Variants in CAMTA1 observed in about 807,000 individuals in gnomAD.
CAMTA1 encodes the protein calmodulin-binding transcription activator 1.
Under a neutral mutation model 170.9 loss-of-function variants are expected in CAMTA1, and 27 were observed. That is an observed-to-expected ratio of 0.16 (90% confidence interval 0.12 to 0.22). The LOEUF is 0.22. Ranked by LOEUF, CAMTA1 falls within the 10% of genes least tolerant of loss-of-function variation. The pLI, the probability that CAMTA1 is intolerant of heterozygous loss-of-function variation, is 1.00. For missense variants in CAMTA1, 1,619 were observed against 2,217.2 expected, an observed-to-expected ratio of 0.73 and a Z score of 5.42; for synonymous variants, 833 against 891.5, an observed-to-expected ratio of 0.93 and a Z score of 1.17.
intron 22 of CAMTA1, among the ~76,000 whole-genome samples, chr1:7,756,069 G>C (rs565423389): frequency 2.0e-5 from 3 of 151,774 alleles, no homozygotes; most frequent in African/African-American, 7.3e-5. Flanking sequence ...TTTTCTCAAC[G>C]ATTGCTTTGT....
intron 4 of CAMTA1, among the ~76,000 whole-genome samples, chr1:7,246,359 C>A (rs1170484633): frequency 6.6e-6 from 1 of 152,124 alleles, no homozygotes; most frequent in Non-Finnish European, 1.5e-5. Flanking sequence ...ATGATACAGA[C>A]ACGCAAGTGG....
chr1:7,416,932 T>A (rs1346213189), intron 5 of CAMTA1, among the ~76,000 whole-genome samples: 1 of 152,086 alleles, frequency 6.6e-6, no homozygotes, highest in African/African-American at 2.4e-5. Context: ...TACAGATGGG[T>A]TTTTGGTGTG....
At chr1:7,684,670 G>A (rs1368519657) in intron 11 of CAMTA1, among the ~76,000 whole-genome samples, 4 of 152,188 alleles carry the variant, frequency 2.6e-5, no homozygotes, top group Non-Finnish European at 4.4e-5. Context: ...ACCCCATCCG[G>A]TGTGAACCCG....
At chr1:6,947,045 C>G (rs1687689115) in intron 3 of CAMTA1, among the ~76,000 whole-genome samples, 1 of 152,166 alleles carries the variant, frequency 6.6e-6, no homozygotes, top group Non-Finnish European at 1.5e-5. Flanking sequence ...CCAGTTGTCC[C>G]AGCACCATTT....
rs150439180 is a variant in CAMTA1 at position 7,360,932 on chromosome 1, C to A, written c.439-106898C>A. The stretch of plus-strand genomic sequence containing the variant: ...GGGTCGTTTTCTGCTTCACATAAAT[C>A]TGTCTGTGCTCAGCTGAGGATCCTG... On this transcript the variant is annotated intron_variant, in intron 5 of 22. Transcript: ENST00000303635. 4.2e-3 allele frequency among the ~76,000 whole-genome samples: 643 copies of A among 151,954 alleles called. 4 individuals carry two copies. The highest frequency in any genetic ancestry group is 0.015 in the African/African-American group (618 of 41,452).
chr1:7,507,498 C>T (rs951859388), intron 6 of CAMTA1, among the ~76,000 whole-genome samples: 29 of 152,334 alleles, frequency 1.9e-4, no homozygotes, highest in South Asian at 1.0e-3. Flanking sequence ...CTGAAAAACC[C>T]CAACATTCCC....
At chr1:7,198,359 C>T (rs1216864651) in intron 4 of CAMTA1, among the ~76,000 whole-genome samples, 1 of 151,924 alleles carries the variant, frequency 6.6e-6, no homozygotes, top group African/African-American at 2.4e-5. Flanking sequence ...CTGGTCCTGA[C>T]CCCAACTCTT....
At chr1:7,706,226 G>T (rs2096523900) in intron 11 of CAMTA1, among the ~76,000 whole-genome samples, 1 of 152,188 alleles carries the variant, frequency 6.6e-6, no homozygotes, top group African/African-American at 2.4e-5. Context: ...TCTAATCCCG[G>T]AAGCGGACTC....
chr1:7,481,449 G>C (rs992294804), intron 6 of CAMTA1, among the ~76,000 whole-genome samples: 4 of 152,098 alleles, frequency 2.6e-5, no homozygotes, highest in Non-Finnish European at 5.9e-5. Flanking sequence ...ACCTTCCATG[G>C]TTCACACTAA....
At chr1:7,760,600 T>C (rs1431565054) in intron 22 of CAMTA1, among the ~76,000 whole-genome samples, 1 of 152,218 alleles carries the variant, frequency 6.6e-6, no homozygotes, top group Non-Finnish European at 1.5e-5. Flanking sequence ...TTGCCTCTTT[T>C]AGGAAATGAA....
chr1:7,369,530 A>T (rs2086271378), intron 5 of CAMTA1, among the ~76,000 whole-genome samples: 1 of 152,126 alleles, frequency 6.6e-6, no homozygotes, highest in Non-Finnish European at 1.5e-5. Context: ...CAGCTGAGGG[A>T]AGAGACACAT....
intron 4 of CAMTA1, among the ~76,000 whole-genome samples, chr1:7,122,280 A>G (rs570795191): frequency 9.2e-5 from 14 of 152,192 alleles, no homozygotes; most frequent in African/African-American, 3.1e-4. Context: ...TTATTGGGAC[A>G]TGCCAGATTA....
intron 3 of CAMTA1, among the ~76,000 whole-genome samples, chr1:6,886,770 C>G (rs1299621678): frequency 1.3e-5 from 2 of 152,192 alleles, no homozygotes; most frequent in Non-Finnish European, 2.9e-5. Flanking sequence ...TACAGCCACT[C>G]CCTTTTTGAC....
chr1:7,507,592 T>G (rs1426129110), intron 6 of CAMTA1, among the ~76,000 whole-genome samples: 1 of 152,172 alleles, frequency 6.6e-6, no homozygotes, highest in Non-Finnish European at 1.5e-5. Flanking sequence ...TCAAATTGCA[T>G]TTTCCGAGGA....
At chr1:7,424,585 C>T (rs955285730) in intron 5 of CAMTA1, among the ~76,000 whole-genome samples, 1 of 152,118 alleles carries the variant, frequency 6.6e-6, no homozygotes, top group Non-Finnish European at 1.5e-5. Flanking sequence ...CCTGTTGGTG[C>T]AGCTGACACG....
intron 11 of CAMTA1, among the ~76,000 whole-genome samples, chr1:7,706,092 G>T (rs1267269784): frequency 6.6e-6 from 1 of 152,202 alleles, no homozygotes; most frequent in East Asian, 1.9e-4. Flanking sequence ...TTTCTGAAAT[G>T]ATGATATTCT....
chr1:7,100,987 G>T (rs968517499), intron 4 of CAMTA1, among the ~76,000 whole-genome samples: 1 of 152,176 alleles, frequency 6.6e-6, no homozygotes, highest in Non-Finnish European at 1.5e-5. Flanking sequence ...GAGACTGCCC[G>T]CCCAGGGTGA....
chr1:6,939,370 A>G (rs566578431), intron 3 of CAMTA1, among the ~76,000 whole-genome samples: 2 of 152,340 alleles, frequency 1.3e-5, no homozygotes, highest in South Asian at 4.1e-4. Flanking sequence ...TGGGTTGTGC[A>G]TTTCATAATT....
intron 3 of CAMTA1, among the ~76,000 whole-genome samples, chr1:7,034,358 C>G (rs1418706113): frequency 6.6e-6 from 1 of 152,060 alleles, no homozygotes; most frequent in Non-Finnish European, 1.5e-5. Flanking sequence ...CTTTCACCAT[C>G]TTGGCCGGGC....
Sources: allele counts gnomAD v4.1 joint callset (sites outside exome capture counted in the v4.1 genomes callset), GRCh38; gene constraint gnomAD v4.1.1; transcripts MANE v1.5; gene names NCBI Gene and HGNC (gene_info 2026-07-23, HGNC 2026-07-21).